Variants in ALMS1 observed in about 807,000 individuals in gnomAD.
The protein encoded by ALMS1 is centrosome-associated protein ALMS1.
ALMS1 carries 271 observed loss-of-function variants against 352.2 expected under a neutral mutation model. The ratio of observed to expected loss-of-function variants is 0.77; its 90% CI spans 0.70 to 0.85. The LOEUF is 0.85. Ranked by LOEUF, ALMS1 falls within the 40% of genes least tolerant of loss-of-function variation. ALMS1 has a pLI of 0.00. For synonymous variants in ALMS1, 1,865 were observed against 1,761.2 expected, an observed-to-expected ratio of 1.06 and a Z score of -1.48; for missense variants, 5,445 against 4,870.7, an observed-to-expected ratio of 1.12 and a Z score of -3.51.
chr2:73,603,235 G>C lies in ALMS1; in HGVS notation c.12299-6G>C, dbSNP rs771317399. On this transcript the variant is annotated splice_region_variant and splice_polypyrimidine_tract_variant and intron_variant, in intron 20 of 22. Transcript: ENST00000613296. ...TCCACTGAAAACCCTTTCTTCTCTTGCCTAGTCTTCCTGGCTATCCAGAAG... is the reference window on the plus strand; with the variant it reads ...TCCACTGAAAACCCTTTCTTCTCTTCCCTAGTCTTCCTGGCTATCCAGAAG... 2 of 1,613,954 alleles carry C rather than the reference G, an allele frequency of 1.2e-6. No individual in the cohort carries two copies. Among genetic ancestry groups the C allele is most frequent in the East Asian group, 4.5e-5 (2 of 44,884 alleles).
intron 10 of ALMS1, among the ~76,000 whole-genome samples, chr2:73,503,506 C>T (rs1673259127): frequency 6.6e-6 from 1 of 152,114 alleles, no homozygotes; most frequent in Non-Finnish European, 1.5e-5. Flanking sequence ...CGTTGTTGGA[C>T]ATTTGGGTTG....
chr2:73,499,167 A>G (rs1459983272), intron 10 of ALMS1, among the ~76,000 whole-genome samples: 1 of 151,856 alleles, frequency 6.6e-6, no homozygotes, highest in Non-Finnish European at 1.5e-5. Flanking sequence ...ATCTCATTGT[A>G]GTTTTTAGTT....
At chr2:73,469,124 G>A (rs1386026578) in intron 9 of ALMS1, among the ~76,000 whole-genome samples, 2 of 151,730 alleles carry the variant, frequency 1.3e-5, no homozygotes, top group Non-Finnish European at 2.9e-5. Context: ...GTAATGAAGA[G>A]AAGAAAAGTT....
chr2:73,557,677 C>G (rs149612122), intron 14 of ALMS1, among the ~76,000 whole-genome samples: 3 of 152,178 alleles, frequency 2.0e-5, no homozygotes, highest in Non-Finnish European at 2.9e-5. Flanking sequence ...CTGTGAGACA[C>G]GGACCCTCTA....
intron 16 of ALMS1, among the ~76,000 whole-genome samples, chr2:73,576,751 G>T (rs192900512): frequency 6.6e-6 from 1 of 151,746 alleles, no homozygotes; most frequent in Non-Finnish European, 1.5e-5. Context: ...CTCCCGAGTA[G>T]CTGGGATTAC....
intron 10 of ALMS1, among the ~76,000 whole-genome samples, chr2:73,497,851 T>A (rs1673141297): frequency 6.6e-6 from 1 of 152,182 alleles, no homozygotes; most frequent in African/African-American, 2.4e-5. Context: ...TACAAGTGTG[T>A]GCACGTGTCT....
At chr2:73,573,546 C>G (rs1674990822) in intron 16 of ALMS1, 122 bp downstream of exon 16, 6 of 999,460 alleles carry the variant, frequency 6.0e-6, no homozygotes, top group Non-Finnish European at 9.3e-6. Flanking sequence ...CCATTTCTTA[C>G]CAACTGGAAA....
intron 11 of ALMS1, among the ~76,000 whole-genome samples, chr2:73,527,913 T>C (rs1673825903): frequency 6.6e-6 from 1 of 152,096 alleles, no homozygotes; most frequent in Non-Finnish European, 1.5e-5. Flanking sequence ...TTAGTACTGG[T>C]TTTGCTGTAT....
chr2:73,453,673 A>G lies in ALMS1; in HGVS notation c.7146A>G (p.Gln2382=). 1 of 1,614,160 alleles carries G rather than the reference A, an allele frequency of 6.2e-7. No individual in the cohort carries two copies. Among genetic ancestry groups the G allele is most frequent in the African/African-American group, 1.3e-5 (1 of 75,060 alleles). ...TAGAAGAAACTCTTAGGCAATATCAAGCAGCCAAATCTGTAATGAGGTCTG... is the reference window on the plus strand; with the variant it reads ...TAGAAGAAACTCTTAGGCAATATCAGGCAGCCAAATCTGTAATGAGGTCTG... The part of the protein sequence containing the change: ...MALEETLRQY[Q]AAKSVMRSEP... The change falls in exon 8 of 23, where the codon CAA becomes CAG. Residue 2382 remains glutamine (Q), a synonymous_variant. Coordinates refer to ENST00000613296, the MANE Select transcript of ALMS1 (RefSeq NM_001378454.1).
Position 73,452,974 on chromosome 2 carries a change from T to C in ALMS1, c.6447T>C (p.Asp2149=), listed in dbSNP as rs765803796. The C allele has an allele frequency of 3.1e-6, 5 of 1,612,434 alleles. No individual in the cohort carries two copies. Among genetic ancestry groups the C allele is most frequent in the South Asian group, 1.1e-5 (1 of 90,968 alleles). ...PSSFSHREKP[D]IFYQKDLPDR... ...CCTTTTCACATCGAGAGAAACCAGA[T>C]ATTTTCTATCAAAAGGATTTGCCAG... Residue 2149 remains aspartate (D), a synonymous_variant, in exon 8 of 23, where the codon GAT becomes GAC. Coordinates refer to ENST00000613296, the MANE Select transcript of ALMS1 (RefSeq NM_001378454.1).
At chr2:73,600,539 T>G (rs1434217031) in intron 17 of ALMS1, 139 bp from the exon 18 acceptor site, 1 of 733,372 alleles carries the variant, frequency 1.4e-6, no homozygotes, top group Non-Finnish European at 2.2e-6. Flanking sequence ...TTTCTCTTCC[T>G]CTCTCTTCGC....
chr2:73,591,309 A>G (rs1675428055), intron 16 of ALMS1, among the ~76,000 whole-genome samples: 1 of 152,190 alleles, frequency 6.6e-6, no homozygotes, highest in East Asian at 1.9e-4. Flanking sequence ...TAAGCTTTTA[A>G]TCTACATGGA....
chr2:73,583,804 A>G, intron 16 of ALMS1, among the ~76,000 whole-genome samples: 1 of 151,992 alleles, frequency 6.6e-6, no homozygotes, highest in Non-Finnish European at 1.5e-5. Context: ...GCGAGAGTTT[A>G]TTTCTGGGCA....
chr2:73,448,576 G>T lies in ALMS1; in HGVS notation c.2049G>T (p.Leu683Phe). 2 of 1,613,688 alleles carry T rather than the reference G, an allele frequency of 1.2e-6. No individual in the cohort carries two copies. The highest frequency in any genetic ancestry group is 1.7e-6 in the Non-Finnish European group (2 of 1,179,860). Residue 683 changes from leucine (L) to phenylalanine (F), a missense_variant, in exon 8 of 23, where the codon TTG becomes TTT. Physicochemically the swap from Leu to Phe is conservative, Grantham distance 22 (BLOSUM62 0). Coordinates refer to ENST00000613296, the MANE Select transcript of ALMS1 (RefSeq NM_001378454.1). Reference sequence around the variant, plus strand: ...TCCTCTTTTTCTATCGACAGACCTTGCCAGATGGTCATCTAACTGATCAGG... The same window carrying T: ...TCCTCTTTTTCTATCGACAGACCTTTCCAGATGGTCATCTAACTGATCAGG... The part of the protein sequence containing the change: ...EDLLFFYRQT[L>F]PDGHLTDQAL...
chr2:73,487,654 G>A (rs947378581), intron 9 of ALMS1, among the ~76,000 whole-genome samples: 4 of 152,192 alleles, frequency 2.6e-5, no homozygotes, highest in African/African-American at 9.7e-5. Flanking sequence ...CCACCATTTG[G>A]TGGATCCTGA....
chr2:73,391,544 C>T (rs1296914375), intron 1 of ALMS1, among the ~76,000 whole-genome samples: 2 of 152,140 alleles, frequency 1.3e-5, no homozygotes, highest in South Asian at 2.1e-4. Flanking sequence ...ACACCCGCCT[C>T]GGCCTCCCAA....
At chr2:73,399,078 C>G (rs1161005249) in intron 1 of ALMS1, among the ~76,000 whole-genome samples, 1 of 152,094 alleles carries the variant, frequency 6.6e-6, no homozygotes, top group South Asian at 2.1e-4. Context: ...GTCTCAAACT[C>G]CTGACCTTGT....
chr2:73,440,448 C>T (rs1254667231), intron 7 of ALMS1, among the ~76,000 whole-genome samples: 3 of 152,030 alleles, frequency 2.0e-5, no homozygotes, highest in East Asian at 1.9e-4. Context: ...CTCGCGTTCG[C>T]TGTCTTTCTC....
Position 73,453,010 on chromosome 2 carries a change from A to G in ALMS1, c.6483A>G (p.Leu2161=), listed in dbSNP as rs750552165. 13 of 1,613,090 alleles carry G rather than the reference A, an allele frequency of 8.1e-6. No homozygotes were observed. Among genetic ancestry groups the G allele is most frequent in the African/African-American group, 1.3e-5 (1 of 74,918 alleles). ...AAAAGGATTTGCCAGATAGACATCTAACTGAAGATGCTCTAAAGATCTCAA... is the reference window on the plus strand; with the variant it reads ...AAAAGGATTTGCCAGATAGACATCTGACTGAAGATGCTCTAAAGATCTCAA... The part of the protein sequence containing the change: ...FYQKDLPDRH[L]TEDALKISSA... The change falls in exon 8 of 23, where the codon CTA becomes CTG. Residue 2161 remains leucine, a synonymous_variant. Transcript: ENST00000613296.
Sources: allele counts gnomAD v4.1 joint callset (sites outside exome capture counted in the v4.1 genomes callset), GRCh38; gene constraint gnomAD v4.1.1; transcripts MANE v1.5; gene names NCBI Gene and HGNC (gene_info 2026-07-23, HGNC 2026-07-21).